SLC35F1: variants seen among roughly 807,000 people sequenced by gnomAD.
The protein encoded by SLC35F1 is solute carrier family 35 member F1, also known as chromosome 6 open reading frame 169.
Under a neutral mutation model 48.7 loss-of-function variants are expected in SLC35F1, and 14 were observed. The observed-to-expected ratio is 0.29, with a 90% CI of 0.19 to 0.45. The LOEUF (loss-of-function observed/expected upper bound fraction) is 0.45, where lower values mean the gene tolerates loss of function less well. Among genes scored for constraint, SLC35F1 ranks in the 20% least tolerant of loss-of-function variants. SLC35F1 has a pLI of 1.00. For missense variants in SLC35F1, 404 were observed against 500.0 expected (o/e 0.81, Z 1.83); for synonymous variants, 190 against 202.2 (o/e 0.94, Z 0.51).
chr6:118,203,584 G>A (rs1774897248), intron 2 of SLC35F1, among the ~76,000 whole-genome samples: 2 of 152,230 alleles, frequency 1.3e-5, no homozygotes, highest in African/African-American at 4.8e-5. Flanking sequence ...GGTCATTGGA[G>A]TGAAGCCTTG....
chr6:118,090,858 G>T (rs1343061758), intron 1 of SLC35F1, among the ~76,000 whole-genome samples: 2 of 152,160 alleles, frequency 1.3e-5, no homozygotes, highest in Admixed American at 1.3e-4. Context: ...GTGGAAGGAG[G>T]AAGACTCACC....
At chr6:118,180,121 A>G (rs1250138108) in intron 2 of SLC35F1, among the ~76,000 whole-genome samples, 4 of 152,168 alleles carry the variant, frequency 2.6e-5, no homozygotes, top group Admixed American at 6.6e-5. Flanking sequence ...GCCCATATGT[A>G]TGCATATTTG....
chr6:118,129,889 A>T (rs1435356737), intron 1 of SLC35F1, among the ~76,000 whole-genome samples: 1 of 152,208 alleles, frequency 6.6e-6, no homozygotes, highest in African/African-American at 2.4e-5. Context: ...ATGATATTTT[A>T]GGAATTTCTT....
intron 1 of SLC35F1, among the ~76,000 whole-genome samples, chr6:117,949,453 C>G (rs764284189): frequency 6.6e-6 from 1 of 151,946 alleles, no homozygotes; most frequent in Non-Finnish European, 1.5e-5. Flanking sequence ...TTATTTTTTT[C>G]GAGTAGTTAT....
At chr6:118,192,907 G>A (rs947635717) in intron 2 of SLC35F1, among the ~76,000 whole-genome samples, 2 of 151,988 alleles carry the variant, frequency 1.3e-5, no homozygotes, top group African/African-American at 4.8e-5. Context: ...TATATTAAAG[G>A]TTTGAAACAC....
chr6:118,029,385 A>G (rs1430565034), intron 1 of SLC35F1, among the ~76,000 whole-genome samples: 1 of 152,136 alleles, frequency 6.6e-6, no homozygotes, highest in Non-Finnish European at 1.5e-5. Context: ...AGAGAGAGAC[A>G]GAGAGACCAT....
intron 1 of SLC35F1, among the ~76,000 whole-genome samples, chr6:118,143,202 C>T (rs183950058): frequency 2.0e-5 from 3 of 152,276 alleles, no homozygotes; most frequent in East Asian, 1.9e-4. Flanking sequence ...GATCCACTTG[C>T]ATACTTTCTT....
intron 1 of SLC35F1, among the ~76,000 whole-genome samples, chr6:118,063,914 G>A (rs1279782760): frequency 6.6e-6 from 1 of 152,154 alleles, no homozygotes; most frequent in African/African-American, 2.4e-5. Flanking sequence ...GGAGTGATAT[G>A]ATTAATCATA....
At chr6:117,935,619 A>G (rs1340447676) in intron 1 of SLC35F1, among the ~76,000 whole-genome samples, 1 of 152,212 alleles carries the variant, frequency 6.6e-6, no homozygotes, top group Non-Finnish European at 1.5e-5. Context: ...AACCAAGACT[A>G]CTACTTCAGC....
intron 1 of SLC35F1, among the ~76,000 whole-genome samples, chr6:117,996,364 C>G (rs1776990340): frequency 6.6e-6 from 1 of 152,152 alleles, no homozygotes; most frequent in South Asian, 2.1e-4. Context: ...TCTACAGCTC[C>G]CAGCCTGAGT....
chr6:117,960,192 A>G (rs1776479383), intron 1 of SLC35F1, among the ~76,000 whole-genome samples: 1 of 151,668 alleles, frequency 6.6e-6, no homozygotes, highest in Non-Finnish European at 1.5e-5. Context: ...CAAACTATCT[A>G]TGTTTGCTTC....
chr6:118,277,957 C>G (rs1411483297), intron 6 of SLC35F1, among the ~76,000 whole-genome samples: 2 of 152,124 alleles, frequency 1.3e-5, no homozygotes, highest in Non-Finnish European at 2.9e-5. Flanking sequence ...TAACAAAAAG[C>G]CATGAAAGGA....
At chr6:117,941,771 T>G (rs557535924) in intron 1 of SLC35F1, among the ~76,000 whole-genome samples, 5 of 152,344 alleles carry the variant, frequency 3.3e-5, no homozygotes, top group African/African-American at 1.2e-4. Flanking sequence ...TATTTAATAG[T>G]GTTTCTTGTT....
intron 1 of SLC35F1, among the ~76,000 whole-genome samples, chr6:117,966,945 G>A (rs2114840012): frequency 6.6e-6 from 1 of 152,242 alleles, no homozygotes; most frequent in East Asian, 1.9e-4. Flanking sequence ...CTGTTTCCTG[G>A]CCCCAAGTGT....
At chr6:117,959,115 A>G (rs1776463385) in intron 1 of SLC35F1, among the ~76,000 whole-genome samples, 1 of 152,196 alleles carries the variant, frequency 6.6e-6, no homozygotes, top group African/African-American at 2.4e-5. Context: ...TTCTTCATTT[A>G]TAAAATGAGG....
chr6:117,963,888 T>C (rs1424506721), intron 1 of SLC35F1, among the ~76,000 whole-genome samples: 1 of 152,206 alleles, frequency 6.6e-6, no homozygotes, highest in Non-Finnish European at 1.5e-5. Context: ...ACATGCGCCA[T>C]GGTGGTTTGC....
intron 2 of SLC35F1, among the ~76,000 whole-genome samples, chr6:118,214,857 G>A (rs1304151452): frequency 6.6e-6 from 1 of 152,156 alleles, no homozygotes; most frequent in African/African-American, 2.4e-5. Context: ...TGCTTAAGGG[G>A]TGTAAATCAA....
chr6:118,220,097 C>T (rs765785138), intron 2 of SLC35F1, among the ~76,000 whole-genome samples: 9 of 152,060 alleles, frequency 5.9e-5, no homozygotes, highest in Non-Finnish European at 8.8e-5. Context: ...AGCACACTAA[C>T]GTGGCACATG....
intron 1 of SLC35F1, among the ~76,000 whole-genome samples, chr6:117,930,935 T>C (rs1776092506): frequency 6.6e-6 from 1 of 152,210 alleles, no homozygotes; most frequent in African/African-American, 2.4e-5. Flanking sequence ...ATTAAAGGCA[T>C]TGGTTCTGGG....
Sources: gnomAD v4.1 joint callset for allele counts (sites outside exome capture counted in the v4.1 genomes callset) on GRCh38, gnomAD v4.1.1 for gene constraint, MANE v1.5 for transcripts, NCBI Gene and HGNC (gene_info 2026-07-23, HGNC 2026-07-21) for gene names.